The following SYNE2 variants were observed in gnomAD, a reference collection of about 807,000 sequenced individuals.
SYNE2 encodes the protein spectrin repeat containing nuclear envelope protein 2.
A neutral mutation model predicts 856.3 loss-of-function variants in SYNE2; 431 were observed. That is an observed-to-expected ratio of 0.50 (90% CI 0.47 to 0.55). The LOEUF is 0.55. Among genes scored for constraint, SYNE2 ranks in the 20% least tolerant of loss-of-function variants. SYNE2 has a pLI of 0.00. For synonymous variants in SYNE2, 2,923 were observed against 2,872.3 expected (o/e 1.02, Z -0.56); for missense variants, 8,129 against 8,023.2 (o/e 1.01, Z -0.50).
At chr14:64,033,276 T>G (rs2097056544) in intron 45 of SYNE2, among the ~76,000 whole-genome samples, 1 of 152,232 alleles carries the variant, frequency 6.6e-6, no homozygotes, top group African/African-American at 2.4e-5. Flanking sequence ...TAAAGGGAGT[T>G]ACTTGCCTAA....
chr14:63,979,923 A>G (rs2096573110), intron 14 of SYNE2, among the ~76,000 whole-genome samples: 1 of 151,914 alleles, frequency 6.6e-6, no homozygotes, highest in South Asian at 2.1e-4. Flanking sequence ...AAAAATAGAA[A>G]TGAGGGGGGG....
In SYNE2 at chr14:63,990,525, A is replaced by G. The variant is rs761454726; in HGVS notation, c.2428A>G (p.Thr810Ala). The G allele has an allele frequency of 1.5e-5, 24 of 1,613,828 alleles. No homozygotes were observed. The highest frequency in any genetic ancestry group is 9.3e-6 in the Non-Finnish European group (11 of 1,179,940). Residue 810 changes from threonine to alanine, a missense_variant, in exon 20 of 116, where the codon ACT becomes GCT. By Grantham distance (58) the Thr-to-Ala change is moderately conservative. This residue lies in a region of SYNE2 where 2,422 missense variants were observed against 2,357.4 expected (regional missense o/e 1.03). Coordinates refer to ENST00000555002, the MANE Select transcript of SYNE2 (RefSeq NM_182914.3). The stretch of plus-strand genomic sequence containing the variant: ...GGAGTCCTTTCAACATGTTCTCACA[A>G]CTGGGCTTCAGGCAAAGATTCAAGA... Reference protein sequence around the residue: ...SQESFQHVLTTGLQAKIQEAK... With the variant: ...SQESFQHVLTAGLQAKIQEAK...
At chr14:64,169,058 AC>A in intron 93 of SYNE2, 87 bp downstream of exon 93, 1 of 1,042,576 alleles carries the variant, frequency 9.6e-7, no homozygotes, top group Non-Finnish European at 1.5e-6. Context: ...GTGAACCTTG[AC>A]CATGTTGGTG....
In SYNE2 at chr14:64,024,307, C is replaced by T. The variant is rs200730189; in HGVS notation, c.5688C>T (p.Ser1896=). 9.9e-6 allele frequency: 16 copies of T among 1,613,834 alleles called. No individual in the cohort carries two copies. Among genetic ancestry groups the T allele is most frequent in the South Asian group, 1.1e-5 (1 of 91,078 alleles). The change falls in exon 39 of 116, where the codon AGC becomes AGT. Residue 1896 remains serine, a synonymous_variant. Coordinates refer to ENST00000555002, the MANE Select transcript of SYNE2 (RefSeq NM_182914.3). ...GRNSKIKQVD[S]VLKHVKKHLP... is the part of the protein sequence containing the mutation. ...ACAGTAAAATAAAGCAGGTGGACAGCGTACTGAAGCATGTGAAGAAGCATC... is the reference window on the plus strand; with the variant it reads ...ACAGTAAAATAAAGCAGGTGGACAGTGTACTGAAGCATGTGAAGAAGCATC...
intron 49 of SYNE2, among the ~76,000 whole-genome samples, chr14:64,059,992 A>C (rs1595213907): frequency 6.6e-6 from 1 of 152,162 alleles, no homozygotes; most frequent in African/African-American, 2.4e-5. Flanking sequence ...TAAAGGCTCA[A>C]GGGGTCTTCA....
At chr14:63,797,805 A>G (rs1044393555) in intron 1 of SYNE2, among the ~76,000 whole-genome samples, 1 of 152,244 alleles carries the variant, frequency 6.6e-6, no homozygotes, top group African/African-American at 2.4e-5. Context: ...TAATGCATGC[A>G]AAATCTTAGC....
chr14:63,891,225 C>T (rs1462894917), intron 1 of SYNE2, among the ~76,000 whole-genome samples: 2 of 151,786 alleles, frequency 1.3e-5, no homozygotes, highest in Non-Finnish European at 2.9e-5. Flanking sequence ...AAGAGATTAA[C>T]AAGAAAAAAA....
At chr14:64,083,346 C>T (rs1043782105) in intron 57 of SYNE2, among the ~76,000 whole-genome samples, 1 of 151,088 alleles carries the variant, frequency 6.6e-6, no homozygotes, top group African/African-American at 2.4e-5. Flanking sequence ...GAGGACTTTA[C>T]CAAGACAAGA....
chr14:64,091,103 T>G (rs1259625027), intron 60 of SYNE2, 55 bp downstream of exon 60: 1 of 1,555,278 alleles, frequency 6.4e-7, no homozygotes, highest in African/African-American at 1.4e-5. Flanking sequence ...CACCAAAAGC[T>G]GGTTTGGTTT....
At chr14:63,828,290 G>T (rs1281103895) in intron 1 of SYNE2, among the ~76,000 whole-genome samples, 1 of 152,036 alleles carries the variant, frequency 6.6e-6, no homozygotes, top group Non-Finnish European at 1.5e-5. Context: ...ACAACACCTA[G>T]TTAGACCATA....
At chr14:63,794,538 C>T (rs987816755) in intron 1 of SYNE2, among the ~76,000 whole-genome samples, 1 of 152,076 alleles carries the variant, frequency 6.6e-6, no homozygotes, top group Non-Finnish European at 1.5e-5. Context: ...GAAGTAACAA[C>T]TACACAGAAA....
intron 77 of SYNE2, among the ~76,000 whole-genome samples, chr14:64,133,793 C>G (rs2098052785): frequency 1.3e-5 from 2 of 152,154 alleles, no homozygotes; most frequent in African/African-American, 2.4e-5. Context: ...TTGTATTACT[C>G]CTTTAGTCAT....
intron 66 of SYNE2, 66 bp from the exon 67 acceptor site, chr14:64,119,361 T>G: frequency 6.3e-7 from 1 of 1,594,794 alleles, no homozygotes; most frequent in Non-Finnish European, 8.6e-7. Flanking sequence ...AAGTCTTAAC[T>G]TGTTTGCAGG....
intron 57 of SYNE2, among the ~76,000 whole-genome samples, chr14:64,086,702 CTTTTTTTTT>C (rs56168321): frequency 3.1e-5 from 2 of 64,652 alleles, no homozygotes; most frequent in African/African-American, 1.2e-4. Flanking sequence ...GTATGCAGGT[CTTTTTTTTT>C]TTTTTTTTTT....
At chr14:63,761,641 T>C (rs1171438850), upstream of SYNE2, among the ~76,000 whole-genome samples, 1 of 152,208 alleles carries the variant, frequency 6.6e-6, no homozygotes, top group Non-Finnish European at 1.5e-5. Context: ...AGAATACTTC[T>C]CTAATGAGGG....
chr14:64,081,610 C>T (rs372093689), intron 57 of SYNE2, 30 bp downstream of exon 57: 91 of 1,612,124 alleles, frequency 5.6e-5, no homozygotes, highest in Non-Finnish European at 7.5e-5. Flanking sequence ...TTCTGCCACT[C>T]ATAGCATCTA....
chr14:63,990,276 A>G, intron 19 of SYNE2, 135 bp from the exon 20 acceptor site: 1 of 746,302 alleles, frequency 1.3e-6, no homozygotes, highest in Non-Finnish European at 2.2e-6. Context: ...TCCTTAAAAT[A>G]TCATTTTTCA....
intron 30 of SYNE2, 104 bp from the exon 31 acceptor site, chr14:64,006,939 A>G: frequency 2.2e-6 from 2 of 895,992 alleles, no homozygotes; most frequent in Non-Finnish European, 3.7e-6. Flanking sequence ...CATTAACCAC[A>G]TGAGGACAAA....
At chr14:63,852,667 A>C (rs1305916571), upstream of SYNE2, among the ~76,000 whole-genome samples, 2 of 152,188 alleles carry the variant, frequency 1.3e-5, no homozygotes, top group Non-Finnish European at 2.9e-5. Flanking sequence ...AGACCCAGGA[A>C]TCTACGGGTG....
Sources: gnomAD v4.1 joint callset for allele counts (sites outside exome capture counted in the v4.1 genomes callset) on GRCh38, gnomAD v4.1.1 for gene constraint, gnomAD v4.1.1 regional missense constraint, MANE v1.5 for transcripts, NCBI Gene and HGNC (gene_info 2026-07-23, HGNC 2026-07-21) for gene names.